Variants in C8orf34 observed in about 807,000 individuals in gnomAD.
The protein encoded by C8orf34 is uncharacterized protein C8orf34.
In C8orf34, 65 loss-of-function variants were observed where a neutral mutation model predicts 68.3. That is an observed-to-expected ratio of 0.95 (90% CI 0.78 to 1.17). The LOEUF is 1.17. Among genes scored for constraint, C8orf34 ranks in the 50% most tolerant of loss-of-function variants. The pLI, the probability that C8orf34 is intolerant of heterozygous loss-of-function variation, is 0.00. For missense variants in C8orf34, 664 were observed against 655.4 expected (o/e 1.01, Z -0.14); for synonymous variants, 244 against 241.2 (o/e 1.01, Z -0.11).
At chr8:68,367,874 A>G (rs1203774604) in intron 1 of C8orf34, among the ~76,000 whole-genome samples, 1 of 129,264 alleles carries the variant, frequency 7.7e-6, no homozygotes, top group African/African-American at 2.8e-5. Flanking sequence ...CAATGTGCAC[A>G]TGTACCCTAA....
intron 12 of C8orf34, among the ~76,000 whole-genome samples, chr8:68,801,018 T>C (rs1824313477): frequency 6.6e-6 from 1 of 152,208 alleles, no homozygotes; most frequent in East Asian, 1.9e-4. Flanking sequence ...CTAATTGAGA[T>C]TTCTTTCTTA....
At chr8:68,381,181 A>C (rs1394495385) in intron 1 of C8orf34, among the ~76,000 whole-genome samples, 1 of 152,222 alleles carries the variant, frequency 6.6e-6, no homozygotes, top group African/African-American at 2.4e-5. Context: ...TGAAGCAGGA[A>C]GACTAGACTA....
At chr8:68,734,121 A>T (rs185320822) in intron 10 of C8orf34, among the ~76,000 whole-genome samples, 1 of 152,318 alleles carries the variant, frequency 6.6e-6, no homozygotes, top group African/African-American at 2.4e-5. Context: ...CGAAGAAGAA[A>T]TATAAAGGGT....
At position 68,640,419 on chromosome 8, in the gene C8orf34, A is replaced by T. The variant is rs777657846; in HGVS notation, c.1149A>T (p.Val383=). 6 of 1,613,688 alleles carry T rather than the reference A, an allele frequency of 3.7e-6. No homozygotes were observed. Among genetic ancestry groups the T allele is most frequent in the Non-Finnish European group, 5.1e-6 (6 of 1,179,824 alleles). Residue 383 remains valine, a synonymous_variant, in exon 8 of 14, where the codon GTA becomes GTT. Transcript: ENST00000518698. ...DLRMEGVTTL[V]PSGSKFNQGR... Reference sequence around the variant, plus strand: ...GAATGGAGGGAGTAACAACCCTGGTACCTTCTGGGAGCAAATTTAACCAAG... The same window carrying T: ...GAATGGAGGGAGTAACAACCCTGGTTCCTTCTGGGAGCAAATTTAACCAAG...
chr8:68,446,238 T>C, intron 2 of C8orf34, 91 bp from the exon 3 acceptor site: 1 of 1,045,568 alleles, frequency 9.6e-7, no homozygotes, highest in Non-Finnish European at 1.4e-6. Context: ...CTATATGTTT[T>C]GTCAAGTATA....
intron 12 of C8orf34, among the ~76,000 whole-genome samples, chr8:68,789,826 T>A (rs1002973645): frequency 2.6e-5 from 4 of 152,234 alleles, no homozygotes; most frequent in African/African-American, 9.6e-5. Context: ...ATTTATACTT[T>A]TATTAAAATT....
chr8:68,444,017 G>A (rs1586153130), intron 2 of C8orf34, among the ~76,000 whole-genome samples: 2 of 151,994 alleles, frequency 1.3e-5, no homozygotes, highest in South Asian at 2.1e-4. Context: ...AATCTATTAT[G>A]TGTAAGTTGA....
intron 5 of C8orf34, among the ~76,000 whole-genome samples, chr8:68,515,819 G>A (rs1277233865): frequency 6.6e-6 from 1 of 152,108 alleles, no homozygotes; most frequent in Non-Finnish European, 1.5e-5. Context: ...CTGATGTGAT[G>A]TACTGGCCTT....
chr8:68,554,851 A>T (rs1437957524), intron 7 of C8orf34, among the ~76,000 whole-genome samples: 2 of 152,058 alleles, frequency 1.3e-5, no homozygotes, highest in Non-Finnish European at 2.9e-5. Flanking sequence ...TATCTTTTTT[A>T]AAAAAATTAC....
chr8:68,801,734 A>T (rs1161784256), intron 12 of C8orf34, among the ~76,000 whole-genome samples: 1 of 152,202 alleles, frequency 6.6e-6, no homozygotes, highest in East Asian at 1.9e-4. Flanking sequence ...CATTTAGGTA[A>T]TTCTCAGAAT....
intron 7 of C8orf34, among the ~76,000 whole-genome samples, chr8:68,555,351 C>A (rs1271520328): frequency 6.6e-6 from 1 of 152,086 alleles, no homozygotes; most frequent in Non-Finnish European, 1.5e-5. Context: ...TGATGCATAG[C>A]AATAAGAAGC....
At chr8:68,717,959 C>G (rs961755724) in intron 9 of C8orf34, among the ~76,000 whole-genome samples, 3 of 152,140 alleles carry the variant, frequency 2.0e-5, no homozygotes, top group Non-Finnish European at 4.4e-5. Context: ...GCTGGCCATT[C>G]GTTGACACTC....
chr8:68,437,091 G>A (rs1048494424), intron 1 of C8orf34, among the ~76,000 whole-genome samples: 2 of 152,038 alleles, frequency 1.3e-5, no homozygotes, highest in Admixed American at 1.3e-4. Flanking sequence ...TGATCATTTC[G>A]CTCACGATTG....
intron 8 of C8orf34, among the ~76,000 whole-genome samples, chr8:68,644,045 A>G (rs1281756689): frequency 6.6e-6 from 1 of 152,206 alleles, no homozygotes; most frequent in Non-Finnish European, 1.5e-5. Flanking sequence ...AACATTGTGT[A>G]AAGGAGTGAA....
At chr8:68,630,263 C>T (rs1385650991) in intron 7 of C8orf34, among the ~76,000 whole-genome samples, 1 of 151,844 alleles carries the variant, frequency 6.6e-6, no homozygotes, top group African/African-American at 2.4e-5. Flanking sequence ...ATTTTAATAG[C>T]ACATTTTATT....
At chr8:68,368,710 A>G (rs1340264552) in intron 1 of C8orf34, among the ~76,000 whole-genome samples, 1 of 152,172 alleles carries the variant, frequency 6.6e-6, no homozygotes, top group Non-Finnish European at 1.5e-5. Flanking sequence ...CTATGTATTG[A>G]GATTACCATA....
At chr8:68,352,478 G>T (rs530957039) in intron 1 of C8orf34, among the ~76,000 whole-genome samples, 1 of 152,012 alleles carries the variant, frequency 6.6e-6, no homozygotes, top group Non-Finnish European at 1.5e-5. Context: ...ATTATGCAAA[G>T]TTATCCTCAA....
chr8:68,370,049 T>C (rs1429952711), intron 1 of C8orf34, among the ~76,000 whole-genome samples: 2 of 152,180 alleles, frequency 1.3e-5, no homozygotes, highest in Non-Finnish European at 2.9e-5. Context: ...ATGCAGCAAC[T>C]TTGGGAAAGA....
intron 7 of C8orf34, among the ~76,000 whole-genome samples, chr8:68,537,254 C>T (rs1815515640): frequency 6.6e-6 from 1 of 151,966 alleles, no homozygotes; most frequent in Non-Finnish European, 1.5e-5. Flanking sequence ...ACCTACCTAT[C>T]CATGTACCTA....
Sources: allele counts gnomAD v4.1 joint callset (sites outside exome capture counted in the v4.1 genomes callset), GRCh38; gene constraint gnomAD v4.1.1; transcripts MANE v1.5; gene names NCBI Gene and HGNC (gene_info 2026-07-23, HGNC 2026-07-21).